EBF3: variants seen among roughly 807,000 people sequenced by gnomAD.
EBF3 encodes the protein EBF transcription factor 3.
A neutral mutation model predicts 77.1 loss-of-function variants in EBF3; 18 were observed. The ratio of observed to expected loss-of-function variants is 0.23; its 90% CI spans 0.16 to 0.35. The LOEUF (loss-of-function observed/expected upper bound fraction) is 0.35, where lower values mean the gene tolerates loss of function less well. Among genes scored for constraint, EBF3 ranks in the 10% least tolerant of loss-of-function variants. EBF3 has a pLI of 1.00. For missense variants in EBF3, 558 were observed against 860.0 expected, an observed-to-expected ratio of 0.65 and a Z score of 4.39; for synonymous variants, 350 against 343.5, an observed-to-expected ratio of 1.02 and a Z score of -0.21.
chr10:129,961,643 C>T (rs867878577), intron 4 of EBF3, among the ~76,000 whole-genome samples: 33 of 152,158 alleles, frequency 2.2e-4, no homozygotes, highest in African/African-American at 7.2e-4. Flanking sequence ...TGGGGGGCTG[C>T]GAGGTGAAGA....
chr10:129,853,287 A>C (rs1175487231), intron 10 of EBF3, among the ~76,000 whole-genome samples: 4 of 152,192 alleles, frequency 2.6e-5, no homozygotes, highest in African/African-American at 9.6e-5. Flanking sequence ...GAGATACAAG[A>C]AGTTTTAGGT....
chr10:129,910,329 G>A (rs1197076913), intron 6 of EBF3, among the ~76,000 whole-genome samples: 4 of 152,206 alleles, frequency 2.6e-5, no homozygotes, highest in Non-Finnish European at 5.9e-5. Context: ...TTTAACAAAA[G>A]AGACTGCTTC....
chr10:129,915,499 A>C (rs28414308), intron 6 of EBF3, among the ~76,000 whole-genome samples: 35,719 of 90,852 alleles, frequency 0.39, 4,305 homozygotes, highest in Non-Finnish European at 0.45. Flanking sequence ...CACACACACA[A>C]AAAAGCCAAG....
intron 4 of EBF3, 36 bp from the exon 5 acceptor site, chr10:129,959,043 G>A: frequency 1.3e-6 from 2 of 1,595,966 alleles, no homozygotes; most frequent in Non-Finnish European, 8.5e-7. Context: ...GGGTTACGCG[G>A]CGCCCGCGGC....
At chr10:129,877,480 CCAAAAA>C (rs1226480328) in intron 7 of EBF3, among the ~76,000 whole-genome samples, 1 of 62,354 alleles carries the variant, frequency 1.6e-5, no homozygotes, top group Admixed American at 2.1e-4. Context: ...GACTCTGTCT[CCAAAAA>C]AAAAAAAAAA....
rs538571852 is a variant in EBF3, at chr10:129,944,972, T to C, written c.554+12286A>G. ...TGTACTTGACATTTATGTACCATGA[T>C]GCATTTCTTGGTAAACTGATTTTGC... On this transcript the variant is annotated intron_variant, in intron 6 of 16. Coordinates refer to ENST00000440978, the MANE Select transcript of EBF3 (RefSeq NM_001375380.1). This position sits in a 1 kb window ranked among gnomAD's most constrained non-coding sequence, Gnocchi z 5.1. 6.7e-6 allele frequency among the ~76,000 whole-genome samples: 1 copy of C among 149,622 alleles called. No individual in the cohort carries two copies. The highest frequency in any genetic ancestry group is 2.2e-4 in the South Asian group (1 of 4,606).
chr10:129,901,816 G>A (rs181384646), intron 6 of EBF3, among the ~76,000 whole-genome samples: 136 of 152,324 alleles, frequency 8.9e-4, no homozygotes, highest in Non-Finnish European at 1.6e-3. Flanking sequence ...TGGGCCTCGT[G>A]GCGAGGGCTG....
At chr10:129,852,845 T>TG (rs1375196766) in intron 10 of EBF3, among the ~76,000 whole-genome samples, 1 of 152,208 alleles carries the variant, frequency 6.6e-6, no homozygotes, top group Non-Finnish European at 1.5e-5. Context: ...ACTACATGCC[T>TG]GGGGCTTGGT....
Position 129,841,168 on chromosome 10 carries a change from T to A in EBF3, c.1373-136A>T. On this transcript the variant is annotated intron_variant, in intron 13 of 16. Coordinates refer to ENST00000440978, the MANE Select transcript of EBF3 (RefSeq NM_001375380.1). This position sits in a 1 kb window ranked among gnomAD's most constrained non-coding sequence, Gnocchi z 4.6. Reference sequence around the variant, plus strand: ...GCTTTCCACCTGCTCTAGCGCCTGCTGCCAGCTCGGATGACCTTATCACGC... The same window carrying A: ...GCTTTCCACCTGCTCTAGCGCCTGCAGCCAGCTCGGATGACCTTATCACGC... 8.3e-7 allele frequency: 1 copy of A among 1,204,910 alleles called. No individual in the cohort carries two copies. 74.6% of individuals were successfully genotyped at this position (1,204,910 alleles called of 1,614,324 possible).
chr10:129,856,632 C>T (rs76784197), intron 10 of EBF3, among the ~76,000 whole-genome samples: 4,347 of 152,238 alleles, frequency 0.029, 87 homozygotes, highest in East Asian at 0.07. Context: ...CACTTCTCTA[C>T]GGCTGTCACT....
intron 6 of EBF3, among the ~76,000 whole-genome samples, chr10:129,898,518 C>T (rs1026948181): frequency 6.6e-6 from 1 of 152,200 alleles, no homozygotes; most frequent in African/African-American, 2.4e-5. Flanking sequence ...CCACCCCAAC[C>T]CAGAAGGATG....
In EBF3 at chr10:129,892,917, C is replaced by T. The variant is rs1025460713; in HGVS notation, c.555-15068G>A. On this transcript the variant is annotated intron_variant, in intron 6 of 16. Coordinates refer to ENST00000440978, the MANE Select transcript of EBF3 (RefSeq NM_001375380.1). The stretch of plus-strand genomic sequence containing the variant: ...ATTTTCCCATTTTAGGGGAGGGCGC[C>T]GGCAGCCAGCCGTTAATTAGCATAC... Among the ~76,000 whole-genome samples, 8 of 152,298 alleles carry T rather than the reference C, an allele frequency of 5.3e-5. No homozygotes were observed. The East Asian group carries it at 7.7e-4, about 15-fold the overall frequency.
At chr10:129,957,172 A>C (rs1859101530) in intron 6 of EBF3, 86 bp downstream of exon 6, 1 of 1,259,418 alleles carries the variant, frequency 7.9e-7, no homozygotes, top group African/African-American at 1.5e-5. Flanking sequence ...CAGCCTCAAA[A>C]ATATGGAGCA....
chr10:129,872,571 C>A (rs1852476505), intron 8 of EBF3, among the ~76,000 whole-genome samples: 4 of 152,250 alleles, frequency 2.6e-5, no homozygotes, highest in African/African-American at 9.6e-5. Flanking sequence ...TGTCTTAAAA[C>A]CATTTAGTTT....
intron 6 of EBF3, among the ~76,000 whole-genome samples, chr10:129,890,754 T>C (rs1252857274): frequency 6.6e-6 from 1 of 152,226 alleles, no homozygotes; most frequent in Non-Finnish European, 1.5e-5. Context: ...AGTCTTTTTG[T>C]TGTAAATTGC....
rs533581833 is a variant in EBF3 at position 129,924,869 on chromosome 10, T to C, written c.554+32389A>G. Among the ~76,000 whole-genome samples the C allele has an allele frequency of 7.2e-5, 11 of 152,192 alleles. No individual in the cohort carries two copies. In the East Asian group the frequency reaches 2.1e-3, roughly 30 times the overall value. On this transcript the variant is annotated intron_variant, in intron 6 of 16. Transcript: ENST00000440978. ...AAATTTGTGAAGATGGAGGTCTCAC[T>C]ATGTTGCTTAGGCTGGTCTCAAACT...
At chr10:129,929,125 G>C (rs1256749273) in intron 6 of EBF3, among the ~76,000 whole-genome samples, 2 of 152,222 alleles carry the variant, frequency 1.3e-5, no homozygotes, top group Non-Finnish European at 2.9e-5. Flanking sequence ...CCAGAGTAGA[G>C]TGGGAAGTAA....
rs910666366 is a variant in EBF3, at chr10:129,867,722, T to C, written c.912+60A>G. On this transcript the variant is annotated intron_variant, in intron 9 of 16. Transcript: ENST00000440978. Reference sequence around the variant, plus strand: ...CTTGTGTCAATACACTATTGACAGCTTGTCAAATCCATTCATGAAGACAGC... The same window carrying C: ...CTTGTGTCAATACACTATTGACAGCCTGTCAAATCCATTCATGAAGACAGC... 1.1e-4 allele frequency: 184 copies of C among 1,601,360 alleles called. 3 individuals carry two copies. In the Admixed American group the frequency reaches 3.0e-3, roughly 26 times the overall value.
rs989120645 is a variant in EBF3 at position 129,861,698 on chromosome 10, G to A, written c.1039+5443C>T. Among the ~76,000 whole-genome samples, 17 of 152,272 alleles carry A rather than the reference G, an allele frequency of 1.1e-4. No individual in the cohort carries two copies. The highest frequency in any genetic ancestry group is 2.4e-4 in the African/African-American group (10 of 41,550). On this transcript the variant is annotated intron_variant, in intron 10 of 16. Transcript: ENST00000440978. The surrounding 1 kb of genome is among the most constrained non-coding windows in gnomAD (Gnocchi z 4.3). The stretch of plus-strand genomic sequence containing the variant: ...CACGGGGGGCCCCTGGCCACACCAC[G>A]GGATGATGAGAGTCACTGACAGAAT...
Sources: gnomAD v4.1 joint callset for allele counts (sites outside exome capture counted in the v4.1 genomes callset) on GRCh38, gnomAD v4.1.1 for gene constraint, Gnocchi (gnomAD v3.1) non-coding constraint, MANE v1.5 for transcripts, NCBI Gene and HGNC (gene_info 2026-07-23, HGNC 2026-07-21) for gene names.